The following PARP1 variants were observed in gnomAD, a reference collection of about 807,000 sequenced individuals.
PARP1 encodes poly [ADP-ribose] polymerase 1.
PARP1 carries 44 observed loss-of-function variants against 118.7 expected under a neutral mutation model. The observed-to-expected ratio is 0.37, with a 90% CI of 0.29 to 0.48. The LOEUF (loss-of-function observed/expected upper bound fraction) is 0.48. Among genes scored for constraint, PARP1 ranks in the 20% least tolerant of loss-of-function variants. The probability of loss-of-function intolerance (pLI) is 0.99; values close to 1 mark genes in which losing one functional copy is unlikely to be tolerated. For missense variants in PARP1, 1,100 were observed against 1,272.4 expected (o/e 0.86, Z 2.06); for synonymous variants, 492 against 483.2 (o/e 1.02, Z -0.24).
At chr1:226,407,531 G>A (rs924700082) in intron 1 of PARP1, among the ~76,000 whole-genome samples, 1 of 152,102 alleles carries the variant, frequency 6.6e-6, no homozygotes, top group Admixed American at 6.5e-5. Flanking sequence ...CCGCCACCCA[G>A]AAAGGAGAAG....
chr1:226,385,083 C>G (rs1025258107), intron 7 of PARP1, among the ~76,000 whole-genome samples: 1 of 152,196 alleles, frequency 6.6e-6, no homozygotes, highest in African/African-American at 2.4e-5. Flanking sequence ...ACGTGCGATA[C>G]TAGGAGATAC....
rs2102728460 is a variant in PARP1, at chr1:226,367,610, T to C, written c.2278-2A>G. 1 of 1,614,046 alleles carries C rather than the reference T, an allele frequency of 6.2e-7. No individual in the cohort carries two copies. Among genetic ancestry groups the C allele is most frequent in the Non-Finnish European group, 8.5e-7 (1 of 1,180,012 alleles). On this transcript the variant is annotated splice_acceptor_variant, in intron 16 of 22. Coordinates refer to ENST00000366794, the MANE Select transcript of PARP1 (RefSeq NM_001618.4). LOFTEE classifies it high-confidence loss of function. ...GTTGTCAAGCATTTCCACCTTGGCCTGGAGGAGCAAAAGAAAGCCCCCGAC... is the reference window on the plus strand; with the variant it reads ...GTTGTCAAGCATTTCCACCTTGGCCCGGAGGAGCAAAAGAAAGCCCCCGAC...
In PARP1 at chr1:226,379,294, C is replaced by T. The variant is rs1664556207; in HGVS notation, c.1613-20G>A. On this transcript the variant is annotated intron_variant, in intron 11 of 22. Transcript: ENST00000366794. ...CCAGTCCTGTCCCAGAGGAAAAGCA[C>T]CTACAGTTTTCTCTCCCCTTGAGGT... is the stretch of plus-strand genomic sequence containing the variant. The T allele has an allele frequency of 1.9e-6, 3 of 1,614,196 alleles. No homozygotes were observed. The highest frequency in any genetic ancestry group is 2.5e-6 in the Non-Finnish European group (3 of 1,180,016).
At chr1:226,388,102 C>T (rs1035860393) in intron 5 of PARP1, among the ~76,000 whole-genome samples, 1 of 152,212 alleles carries the variant, frequency 6.6e-6, no homozygotes, top group African/African-American at 2.4e-5. Flanking sequence ...TTTGCTTCAA[C>T]ATGTACATAA....
chr1:226,362,198 T>TC (rs1664158590), intron 21 of PARP1, 115 bp from the exon 22 acceptor site: 1 of 667,142 alleles, frequency 1.5e-6, no homozygotes, highest in African/African-American at 1.8e-5. Flanking sequence ...TTTTTTTTTT[T>TC]CCTTTTTGAG....
In PARP1 at chr1:226,401,248, C is replaced by T. The variant is rs1213408404; in HGVS notation, c.286+966G>A. On this transcript the variant is annotated intron_variant, in intron 2 of 22. Transcript: ENST00000366794. ...ATTGGCCTGGGCGGGTCCTTGGCTT[C>T]GCTCTGGAAAGCATTTAAGAGCGAG... 2.6e-5 allele frequency among the ~76,000 whole-genome samples: 4 copies of T among 152,232 alleles called. No individual in the cohort carries two copies. In the South Asian group the frequency reaches 6.2e-4, roughly 24 times the overall value.
intron 8 of PARP1, among the ~76,000 whole-genome samples, chr1:226,381,742 T>C (rs556137997): frequency 5.9e-5 from 9 of 152,358 alleles, no homozygotes; most frequent in African/African-American, 2.2e-4. Flanking sequence ...TGGTGTGCAC[T>C]GACCCAGGCC....
rs1489770977 is a variant in PARP1 at position 226,402,390 on chromosome 1, G to C, written c.121-11C>G. Reference sequence around the variant, plus strand: ...ATCAAACATGGGCGACTAGAAGGAAGAGAAACAGAGGGAAGTAAGTAAGCA... The same window carrying C: ...ATCAAACATGGGCGACTAGAAGGAACAGAAACAGAGGGAAGTAAGTAAGCA... On this transcript the variant is annotated splice_polypyrimidine_tract_variant and intron_variant, in intron 1 of 22. Coordinates refer to ENST00000366794, the MANE Select transcript of PARP1 (RefSeq NM_001618.4). The C allele has an allele frequency of 6.2e-7, 1 of 1,610,976 alleles. No individual in the cohort carries two copies. The highest frequency in any genetic ancestry group is 2.2e-5 in the East Asian group (1 of 44,872).
At chr1:226,398,594 T>C (rs1664970269) in intron 2 of PARP1, among the ~76,000 whole-genome samples, 2 of 149,426 alleles carry the variant, frequency 1.3e-5, no homozygotes, top group African/African-American at 4.9e-5. Context: ...ATACAGATGG[T>C]AAATAAACGT....
At chr1:226,390,066 C>T (rs1664792639) in intron 4 of PARP1, among the ~76,000 whole-genome samples, 1 of 152,144 alleles carries the variant, frequency 6.6e-6, no homozygotes, top group South Asian at 2.1e-4. Flanking sequence ...CAACAAATAC[C>T]CAGGGAAGGA....
At position 226,365,918 on chromosome 1, in the gene PARP1, G is replaced by A. The variant is rs768067676; in HGVS notation, c.2505+36C>T. On this transcript the variant is annotated intron_variant, in intron 18 of 22. Coordinates refer to ENST00000366794, the MANE Select transcript of PARP1 (RefSeq NM_001618.4). ...GGAGTGGGCAGGGAAGAGCTGGCAGGACACAGAAGGAAGTGGGGGAAGAAG... is the reference window on the plus strand; with the variant it reads ...GGAGTGGGCAGGGAAGAGCTGGCAGAACACAGAAGGAAGTGGGGGAAGAAG... 7 of 1,375,026 alleles carry A rather than the reference G, an allele frequency of 5.1e-6. No homozygotes were observed. The Admixed American group carries it at 8.4e-5, about 16-fold the overall frequency. The allele number at this position is 1,375,026 out of a possible 1,614,324, so 85.2% of individuals were successfully genotyped here. A position where few individuals can be genotyped will look rare whatever the true frequency, so the allele number is the denominator to read the frequency against.
In PARP1 at chr1:226,402,219, A is replaced by G. The variant is rs1199388635; in HGVS notation, c.281T>C (p.Val94Ala). The change falls in exon 2 of 23, where the codon GTG (valine) becomes GCG (alanine). Residue 94 changes from valine (V) to alanine (A), a missense_variant. Val to Ala is a moderately conservative substitution (Grantham distance 64). Around this residue, in one of 2 missense-constraint regions of PARP1, gnomAD observed 948 missense variants for 1,031.8 expected, o/e 0.92. Coordinates refer to ENST00000366794, the MANE Select transcript of PARP1 (RefSeq NM_001618.4). ...CTGCCCCAGTATGTACACACCTGTC[A>G]CTCCTCCAGCTTCCGCTGTCTTCTT... ...KVKKTAEAGG[V>A]TGKGQDGIGS... is the part of the protein sequence containing the mutation. 1 of 1,613,950 alleles carries G rather than the reference A, an allele frequency of 6.2e-7. No individual in the cohort carries two copies. Among genetic ancestry groups the G allele is most frequent in the Non-Finnish European group, 8.5e-7 (1 of 1,179,982 alleles).
chr1:226,395,340 C>T (rs750018007), intron 2 of PARP1, among the ~76,000 whole-genome samples: 9 of 152,100 alleles, frequency 5.9e-5, no homozygotes, highest in Admixed American at 1.3e-4. Flanking sequence ...TTCATTATAG[C>T]ATTATTAATA....
intron 3 of PARP1, among the ~76,000 whole-genome samples, chr1:226,391,445 G>T (rs781527918): frequency 6.6e-6 from 1 of 152,144 alleles, no homozygotes; most frequent in Non-Finnish European, 1.5e-5. Flanking sequence ...TCCAGAGAAT[G>T]CAGCAGGAGG....
rs745829327 is a variant in PARP1, at chr1:226,361,958, A to C, written c.2963+11T>G. On this transcript the variant is annotated intron_variant, in intron 22 of 22. Coordinates refer to ENST00000366794, the MANE Select transcript of PARP1 (RefSeq NM_001618.4). ...CCTTTGTGCTCACACAGCATACTCAAGAAAGGATACTCGTTATATAGTAGA... is the reference window on the plus strand; with the variant it reads ...CCTTTGTGCTCACACAGCATACTCACGAAAGGATACTCGTTATATAGTAGA... 16 of 1,485,044 alleles carry C rather than the reference A, an allele frequency of 1.1e-5. No homozygotes were observed. Among genetic ancestry groups the C allele is most frequent in the Non-Finnish European group, 1.5e-5 (16 of 1,062,134 alleles). 92.0% of individuals were successfully genotyped at this position (1,485,044 alleles called of 1,614,324 possible).
In PARP1 at chr1:226,381,213, G is replaced by A. The variant is rs1030114854; in HGVS notation, c.1160-5C>T. On this transcript the variant is annotated splice_region_variant and splice_polypyrimidine_tract_variant and intron_variant, in intron 8 of 22. Transcript: ENST00000366794. ...TCATGTTGGATAATGGCTTATCTGGGATGAAAGGAGAGAATCATTCAGCAA... is the reference window on the plus strand; with the variant it reads ...TCATGTTGGATAATGGCTTATCTGGAATGAAAGGAGAGAATCATTCAGCAA... 4.3e-5 allele frequency: 70 copies of A among 1,614,190 alleles called. No homozygotes were observed. The highest frequency in any genetic ancestry group is 5.5e-5 in the Non-Finnish European group (65 of 1,180,036).
At chr1:226,379,394 G>A (rs924811814) in intron 11 of PARP1, 120 bp from the exon 12 acceptor site, 2 of 1,366,754 alleles carry the variant, frequency 1.5e-6, no homozygotes, top group Non-Finnish European at 2.1e-6. Flanking sequence ...CCACCCTCGG[G>A]AGGCTCCCCA....
At position 226,384,155 on chromosome 1, in the gene PARP1, C is replaced by A. The variant is rs556874474; in HGVS notation, c.1012-972G>T. On this transcript the variant is annotated intron_variant, in intron 7 of 22. Coordinates refer to ENST00000366794, the MANE Select transcript of PARP1 (RefSeq NM_001618.4). ...TGGGAGCTGAAAACACAGGGGACTG[C>A]CTAAGCACAGCCATCTGAGTAGCAC... 7.6e-4 allele frequency among the ~76,000 whole-genome samples: 116 copies of A among 152,332 alleles called. 1 individual carries two copies. Among genetic ancestry groups the A allele is most frequent in the African/African-American group, 2.7e-3 (111 of 41,584 alleles).
rs186612310 is a variant in PARP1, at chr1:226,365,124, G to T, written c.2536C>A (p.Gln846Lys). The T allele has an allele frequency of 6.2e-7, 1 of 1,614,228 alleles. No individual in the cohort carries two copies. The highest frequency in any genetic ancestry group is 8.5e-7 in the Non-Finnish European group (1 of 1,180,040). ...AGCTGCTTAAAGGGCTTGTAACGCT[G>T]GCATTCGCCTTCACGCTCTATCTTA... is the stretch of plus-strand genomic sequence containing the variant. ...IFKIEREGEC[Q>K]RYKPFKQLHN... The change falls in exon 19 of 23, where the codon CAG becomes AAG. Residue 846 changes from glutamine (Q) to lysine (K), a missense_variant. Gln to Lys is a moderately conservative substitution (Grantham distance 53, BLOSUM62 1). Around this residue, in one of 2 missense-constraint regions of PARP1, gnomAD observed 152 missense variants for 240.6 expected, o/e 0.63. Transcript: ENST00000366794.
Sources: allele counts gnomAD v4.1 joint callset (sites outside exome capture counted in the v4.1 genomes callset), GRCh38; gene constraint gnomAD v4.1.1; regional missense constraint gnomAD v4.1.1; transcripts MANE v1.5; gene names NCBI Gene and HGNC (gene_info 2026-07-23, HGNC 2026-07-21).